The following ARL8B variants were observed in gnomAD, a reference collection of about 807,000 sequenced individuals.
ARL8B encodes the protein ARF like GTPase 8B.
ARL8B carries 9 observed loss-of-function variants against 30.6 expected under a neutral mutation model. The observed-to-expected ratio is 0.29, with a 90% CI of 0.18 to 0.51. The LOEUF is 0.51. ARL8B is among the 20% of genes least tolerant of loss of function. ARL8B has a pLI of 0.97. For missense variants in ARL8B, 130 were observed against 227.2 expected (o/e 0.57, Z 2.75); for synonymous variants, 74 against 76.0 (o/e 0.97, Z 0.14).
Position 5,157,898 on chromosome 3 carries a change from T to C in ARL8B, c.124-12605T>C, listed in dbSNP as rs550391011. 6 of 152,234 alleles carry C rather than the reference T, an allele frequency of 3.9e-5. No homozygotes were observed. The East Asian group carries it at 1.2e-3, about 29-fold the overall frequency. The allele number at this position is 152,234 out of a possible 1,614,324, so 9.4% of individuals were successfully genotyped here. Reference sequence around the variant, plus strand: ...AGCAAAAGTAAGAAAGAGCACCAGATAGATTGTGCTTCAAGTTCTAGTTCC... The same window carrying C: ...AGCAAAAGTAAGAAAGAGCACCAGACAGATTGTGCTTCAAGTTCTAGTTCC... On this transcript the variant is annotated intron_variant, in intron 1 of 6. Coordinates refer to ENST00000256496, the MANE Select transcript of ARL8B (RefSeq NM_018184.3).
At chr3:5,134,592 C>T (rs2054309241) in intron 1 of ARL8B, among the ~76,000 whole-genome samples, 1 of 152,068 alleles carries the variant, frequency 6.6e-6, no homozygotes, top group Non-Finnish European at 1.5e-5. Context: ...TCTTTGGTGC[C>T]AGGTAAACAC....
intron 1 of ARL8B, among the ~76,000 whole-genome samples, chr3:5,164,488 C>G (rs561607374): frequency 1.3e-5 from 2 of 152,112 alleles, no homozygotes; most frequent in South Asian, 4.2e-4. Flanking sequence ...GCACTCATAC[C>G]CCTTTCTAGG....
chr3:5,175,391 G>A (rs1403131444), intron 6 of ARL8B, among the ~76,000 whole-genome samples: 3 of 152,078 alleles, frequency 2.0e-5, no homozygotes, highest in Admixed American at 1.3e-4. Context: ...GTTAATTTTT[G>A]CAGAGCTAGT....
intron 1 of ARL8B, among the ~76,000 whole-genome samples, chr3:5,156,471 C>T (rs1049641557): frequency 1.3e-5 from 2 of 151,506 alleles, no homozygotes; most frequent in East Asian, 3.9e-4. Context: ...GGTTGGAGTG[C>T]AGTGGCACGA....
chr3:5,143,869 A>G (rs376798861), intron 1 of ARL8B, among the ~76,000 whole-genome samples: 153 of 152,332 alleles, frequency 1.0e-3, no homozygotes, highest in African/African-American at 3.6e-3. Context: ...GCTCTGCCCA[A>G]ATATGGGAGC....
chr3:5,162,434 ATTG>A (rs1220847612), intron 1 of ARL8B, among the ~76,000 whole-genome samples: 2 of 152,294 alleles, frequency 1.3e-5, no homozygotes, highest in African/African-American at 4.8e-5. Context: ...TTGAGTCTGT[ATTG>A]TTGTACATTG....
chr3:5,174,201 A>C, intron 5 of ARL8B, 117 bp downstream of exon 5: 1 of 1,138,144 alleles, frequency 8.8e-7, no homozygotes, highest in South Asian at 1.3e-5. Flanking sequence ...AAGTTGGCCT[A>C]TCAGAGAAGT....
rs535315996 is a variant in ARL8B at position 5,180,725 on chromosome 3, A to G, written c.*2012A>G. ...TTACTGCTCTTCTCAGCTTTATTCA[A>G]TAAACTTGCATTTTAAGGGTTGTAT... is the stretch of plus-strand genomic sequence containing the variant. On this transcript the variant is annotated 3_prime_UTR_variant, in exon 7 of 7. Coordinates refer to ENST00000256496, the MANE Select transcript of ARL8B (RefSeq NM_018184.3). The G allele has an allele frequency of 1.3e-5, 2 of 152,614 alleles. No homozygotes were observed. The allele number at this position is 152,614 out of a possible 1,614,324, so 9.5% of individuals were successfully genotyped here.
rs987489758 is a variant in ARL8B, at chr3:5,176,037, G to A, written c.511+1623G>A. On this transcript the variant is annotated intron_variant, in intron 6 of 6. Coordinates refer to ENST00000256496, the MANE Select transcript of ARL8B (RefSeq NM_018184.3). ...CATAGTATGGTTACAGAATAAGTAT[G>A]TATGGCTCAACTTTAGTTTCTTAAC... Among the ~76,000 whole-genome samples the A allele has an allele frequency of 3.3e-5, 5 of 152,156 alleles. No individual in the cohort carries two copies. The South Asian group carries it at 8.3e-4, about 25-fold the overall frequency.
In ARL8B at chr3:5,167,314, A is replaced by T. The variant is rs1418206306; in HGVS notation, c.124-3189A>T. On this transcript the variant is annotated intron_variant, in intron 1 of 6. Coordinates refer to ENST00000256496, the MANE Select transcript of ARL8B (RefSeq NM_018184.3). ...AAGCATACAGTAGTCCCTCTTATCC[A>T]TGGTTTTGCTTTCCAGTTTCAGTTA... Among the ~76,000 whole-genome samples the T allele has an allele frequency of 3.3e-5, 5 of 152,306 alleles. 1 individual carries two copies. In the South Asian group the frequency reaches 1.0e-3, roughly 32 times the overall value.
chr3:5,127,355 G>A (rs907710611), intron 1 of ARL8B, among the ~76,000 whole-genome samples: 1 of 152,032 alleles, frequency 6.6e-6, no homozygotes, highest in Admixed American at 6.6e-5. Flanking sequence ...CATCTTTTTT[G>A]TATTTAATTT....
chr3:5,149,389 T>G (rs1158369837), intron 1 of ARL8B, among the ~76,000 whole-genome samples: 1 of 152,194 alleles, frequency 6.6e-6, no homozygotes, highest in Non-Finnish European at 1.5e-5. Flanking sequence ...GAGATCCTGG[T>G]TGGGCCCCCA....
chr3:5,128,348 A>G (rs2054250827), intron 1 of ARL8B: 1 of 379,844 alleles, frequency 2.6e-6, no homozygotes, highest in Admixed American at 3.2e-5. Context: ...GGTGGTCTTC[A>G]AGTATAGATT....
chr3:5,130,541 T>G (rs1048606603), intron 1 of ARL8B, among the ~76,000 whole-genome samples: 5 of 152,002 alleles, frequency 3.3e-5, no homozygotes, highest in Admixed American at 6.6e-5. Flanking sequence ...TGTGTTTTTT[T>G]TTTTGGCGGG....
chr3:5,137,758 C>CT (rs1244384444), intron 1 of ARL8B, among the ~76,000 whole-genome samples: 1 of 151,828 alleles, frequency 6.6e-6, no homozygotes, highest in Non-Finnish European at 1.5e-5. Flanking sequence ...TTTTTAAAAA[C>CT]TTTTTATTTT....
intron 1 of ARL8B, among the ~76,000 whole-genome samples, chr3:5,169,943 G>GA (rs1468319307): frequency 1.1e-4 from 17 of 152,178 alleles, no homozygotes; most frequent in Admixed American, 1.0e-3. Context: ...GACAATTTTG[G>GA]AATACATGTG....
intron 1 of ARL8B, among the ~76,000 whole-genome samples, chr3:5,126,558 A>C (rs910899034): frequency 2.0e-5 from 3 of 152,196 alleles, no homozygotes; most frequent in African/African-American, 7.2e-5. Context: ...AGACTGAATT[A>C]CTATTATATG....
intron 1 of ARL8B, among the ~76,000 whole-genome samples, chr3:5,142,528 G>T (rs1005682381): frequency 6.6e-6 from 1 of 152,118 alleles, no homozygotes; most frequent in Non-Finnish European, 1.5e-5. Flanking sequence ...AGGTCCTCCC[G>T]TAGCACACGC....
At chr3:5,138,029 G>A (rs947379491) in intron 1 of ARL8B, among the ~76,000 whole-genome samples, 12 of 149,122 alleles carry the variant, frequency 8.0e-5, no homozygotes, top group African/African-American at 2.7e-4. Flanking sequence ...TGTTGTTGGG[G>A]ATTTTTTTTT....
Sources: allele counts gnomAD v4.1 joint callset (sites outside exome capture counted in the v4.1 genomes callset), GRCh38; gene constraint gnomAD v4.1.1; transcripts MANE v1.5; gene names NCBI Gene and HGNC (gene_info 2026-07-23, HGNC 2026-07-21).